The following WNT3A variants were observed in gnomAD, a reference collection of about 807,000 sequenced individuals.
WNT3A encodes Wnt family member 3A.
A neutral mutation model predicts 37.0 loss-of-function variants in WNT3A; 17 were observed. The observed-to-expected ratio is 0.46, with a 90% confidence interval of 0.31 to 0.69. The LOEUF (loss-of-function observed/expected upper bound fraction) is 0.69. Ranked by LOEUF, WNT3A falls within the 30% of genes least tolerant of loss-of-function variation. The pLI is 0.05. For missense variants in WNT3A, 411 were observed against 510.2 expected, an observed-to-expected ratio of 0.81 and a Z score of 1.87; for synonymous variants, 187 against 211.0, an observed-to-expected ratio of 0.89 and a Z score of 0.99.
At chr1:228,035,021 C>G (rs1438081623) in intron 2 of WNT3A, among the ~76,000 whole-genome samples, 2 of 152,082 alleles carry the variant, frequency 1.3e-5, no homozygotes, top group Non-Finnish European at 2.9e-5. Flanking sequence ...ACAGTCGGTC[C>G]CCTGGGAAAG....
At chr1:228,058,089 C>G (rs761487580) in intron 3 of WNT3A, among the ~76,000 whole-genome samples, 5 of 152,222 alleles carry the variant, frequency 3.3e-5, no homozygotes. Context: ...GCATGAGCCA[C>G]CATGCCCGGC....
At chr1:228,024,832 A>C (rs748844450) in intron 2 of WNT3A, among the ~76,000 whole-genome samples, 1 of 152,204 alleles carries the variant, frequency 6.6e-6, no homozygotes, top group African/African-American at 2.4e-5. Flanking sequence ...TGAGGTAGGA[A>C]TCTAACCACA....
At chr1:228,033,782 A>G (rs2031071991) in intron 2 of WNT3A, among the ~76,000 whole-genome samples, 1 of 152,234 alleles carries the variant, frequency 6.6e-6, no homozygotes, top group South Asian at 2.1e-4. Flanking sequence ...CTTCTGGTCC[A>G]TGAACATAGG....
chr1:228,008,748 A>C lies in WNT3A; in HGVS notation c.71+1549A>C, dbSNP rs1366207464. ...AACCCGCCGCCGCGTTCCTGAGCGCAAAAGGAAGCTCCTTCGCCCCGCGCC... is the reference window on the plus strand; with the variant it reads ...AACCCGCCGCCGCGTTCCTGAGCGCCAAAGGAAGCTCCTTCGCCCCGCGCC... On this transcript the variant is annotated intron_variant, in intron 1 of 3. Coordinates refer to ENST00000284523, the MANE Select transcript of WNT3A (RefSeq NM_033131.4). The surrounding 1 kb of genome is among the most constrained non-coding windows in gnomAD (Gnocchi z 4.9). Among the ~76,000 whole-genome samples the C allele has an allele frequency of 6.6e-6, 1 of 152,148 alleles. No homozygotes were observed. The highest frequency in any genetic ancestry group is 1.5e-5 in the Non-Finnish European group (1 of 68,010).
At chr1:228,023,044 C>A in intron 2 of WNT3A, 136 bp downstream of exon 2, 1 of 1,376,628 alleles carries the variant, frequency 7.3e-7, no homozygotes. Context: ...TTCCCGCTTA[C>A]CTCCAGGAGG....
intron 2 of WNT3A, among the ~76,000 whole-genome samples, chr1:228,026,901 G>A (rs759941694): frequency 9.9e-5 from 15 of 152,198 alleles, no homozygotes; most frequent in Non-Finnish European, 1.8e-4. Flanking sequence ...GGAGTGCAGC[G>A]GTGCGATCTC....
intron 1 of WNT3A, among the ~76,000 whole-genome samples, chr1:228,012,047 T>C (rs986715874): frequency 6.6e-6 from 1 of 152,256 alleles, no homozygotes; most frequent in African/African-American, 2.4e-5. Flanking sequence ...GGGCTTGTTC[T>C]AACGATGTTT....
At chr1:228,046,905 ACGCATGTG>A (rs1480865797) in intron 2 of WNT3A, among the ~76,000 whole-genome samples, 1 of 152,086 alleles carries the variant, frequency 6.6e-6, no homozygotes, top group African/African-American at 2.4e-5. Flanking sequence ...CTGTGTGCGC[ACGCATGTG>A]CGCATGTGGC....
chr1:228,036,242 A>G (rs1007133969), intron 2 of WNT3A, among the ~76,000 whole-genome samples: 1 of 152,220 alleles, frequency 6.6e-6, no homozygotes, highest in African/African-American at 2.4e-5. Context: ...TCAGCTGTGA[A>G]GAGAGGGGCC....
At chr1:228,012,035 C>T (rs1471639516) in intron 1 of WNT3A, among the ~76,000 whole-genome samples, 4 of 152,260 alleles carry the variant, frequency 2.6e-5, no homozygotes. Flanking sequence ...CTCTGACTCA[C>T]GGGGCTTGTT....
intron 2 of WNT3A, among the ~76,000 whole-genome samples, chr1:228,047,700 G>C (rs1005433031): frequency 6.6e-6 from 1 of 152,180 alleles, no homozygotes; most frequent in African/African-American, 2.4e-5. Context: ...AGGAAGTGTG[G>C]CTCTTGCTTC....
chr1:228,022,858 G>C lies in WNT3A; in HGVS notation c.263G>C (p.Cys88Ser). 2 of 1,613,914 alleles carry C rather than the reference G, an allele frequency of 1.2e-6. No individual in the cohort carries two copies. The highest frequency in any genetic ancestry group is 1.7e-6 in the Non-Finnish European group (2 of 1,179,950). ...CAGTTCCGCGGCCGCCGGTGGAACT[G>C]CACCACCGTCCACGACAGCCTGGCC... Reference protein sequence around the residue: ...QHQFRGRRWNCTTVHDSLAIF... With the variant: ...QHQFRGRRWNSTTVHDSLAIF... Residue 88 changes from cysteine to serine, a missense_variant, in exon 2 of 4, where the codon TGC becomes TCC. By Grantham distance (112) the Cys-to-Ser change is moderately radical. Transcript: ENST00000284523.
chr1:228,053,483 T>C (rs760695613), intron 3 of WNT3A, among the ~76,000 whole-genome samples: 61 of 152,138 alleles, frequency 4.0e-4, no homozygotes, highest in Non-Finnish European at 1.5e-4. Context: ...ATAGACTATA[T>C]TCAAATTAAG....
In WNT3A at chr1:228,050,685, A is replaced by G; in HGVS notation, c.343A>G (p.Ile115Val). 6.2e-7 allele frequency: 1 copy of G among 1,611,216 alleles called. No homozygotes were observed. The change falls in exon 3 of 4, where the codon ATT (isoleucine) becomes GTT (valine). Residue 115 changes from isoleucine (I) to valine (V), a missense_variant. Coordinates refer to ENST00000284523, the MANE Select transcript of WNT3A (RefSeq NM_033131.4). This position sits in a 1 kb window ranked among gnomAD's most constrained non-coding sequence, Gnocchi z 5.0. ...CAGGGAGTCGGCCTTTGTCCACGCC[A>G]TTGCCTCAGCCGGTGTGGCCTTTGC... ...ATRESAFVHAIASAGVAFAVT... is the reference protein window; with the variant it reads ...ATRESAFVHAVASAGVAFAVT...
At chr1:228,019,008 A>C (rs1220348855) in intron 1 of WNT3A, among the ~76,000 whole-genome samples, 1 of 152,230 alleles carries the variant, frequency 6.6e-6, no homozygotes, top group East Asian at 1.9e-4. Flanking sequence ...GGGTCCCATC[A>C]GGGCTGTGAG....
rs2031781837 is a variant in WNT3A at position 228,060,480 on chromosome 1, C to G, written c.*1015C>G. On this transcript the variant is annotated 3_prime_UTR_variant, in exon 4 of 4. Coordinates refer to ENST00000284523, the MANE Select transcript of WNT3A (RefSeq NM_033131.4). Reference sequence around the variant, plus strand: ...GAAAGCCTGAAGGGCCTCCCAGCCCCCAACCCCAAGACCAAGCTTAGTCCT... The same window carrying G: ...GAAAGCCTGAAGGGCCTCCCAGCCCGCAACCCCAAGACCAAGCTTAGTCCT... 1 of 382,940 alleles carries G rather than the reference C, an allele frequency of 2.6e-6. No individual in the cohort carries two copies. The allele number at this position is 382,940 out of a possible 1,614,324, so 23.7% of individuals were successfully genotyped here. A position where few individuals can be genotyped will look rare whatever the true frequency, so the allele number is the denominator to read the frequency against.
chr1:228,026,620 C>A (rs2030859994), intron 2 of WNT3A, among the ~76,000 whole-genome samples: 1 of 152,162 alleles, frequency 6.6e-6, no homozygotes, highest in Admixed American at 6.5e-5. Context: ...CTCCCAACCT[C>A]CCTCTTCTGA....
rs1297908747 is a variant in WNT3A, at chr1:228,055,171, AAAAAAAAAATATATATAT to A, written c.580-3813_580-3796del. Among the ~76,000 whole-genome samples the A allele has an allele frequency of 2.2e-3, 162 of 73,026 alleles. 1 individual carries two copies. The highest frequency in any genetic ancestry group is 0.013 in the East Asian group (28 of 2,082). 47.9% of individuals were successfully genotyped at this position (73,026 alleles called of 152,430 possible). On this transcript the variant is annotated intron_variant, in intron 3 of 3. Transcript: ENST00000284523. The stretch of plus-strand genomic sequence containing the variant: ...GAAACTCCGTCCCAAAAAAAAAAAA[AAAAAAAAAATATATATAT>A]ATATATATATATATATATATATATA...
chr1:228,046,440 G>A (rs2031408167), intron 2 of WNT3A, among the ~76,000 whole-genome samples: 1 of 121,568 alleles, frequency 8.2e-6, no homozygotes, highest in Non-Finnish European at 1.7e-5. Context: ...ATATGTATGT[G>A]TGTGCATGTG....
Sources: allele counts gnomAD v4.1 joint callset (sites outside exome capture counted in the v4.1 genomes callset), GRCh38; gene constraint gnomAD v4.1.1; non-coding constraint Gnocchi (gnomAD v3.1); transcripts MANE v1.5; gene names NCBI Gene and HGNC (gene_info 2026-07-23, HGNC 2026-07-21).